Variants in PPP2R2B observed in about 807,000 individuals in gnomAD.
PPP2R2B encodes the protein protein phosphatase 2 regulatory subunit Bbeta.
PPP2R2B carries 5 observed loss-of-function variants against 46.0 expected under a neutral mutation model. The observed-to-expected ratio is 0.11, with a 90% CI of 0.06 to 0.23. The LOEUF (loss-of-function observed/expected upper bound fraction) is 0.23, where lower values mean the gene tolerates loss of function less well. Ranked by LOEUF, PPP2R2B falls within the 10% of genes least tolerant of loss-of-function variation. The pLI is 1.00. For synonymous variants in PPP2R2B, 215 were observed against 206.7 expected (o/e 1.04, Z -0.34); for missense variants, 367 against 575.0 (o/e 0.64, Z 3.70).
At chr5:146,900,592 T>C (rs561708504) in intron 1 of PPP2R2B, among the ~76,000 whole-genome samples, 17 of 149,644 alleles carry the variant, frequency 1.1e-4, no homozygotes, top group African/African-American at 3.7e-4. Flanking sequence ...CCTTCCTTCC[T>C]TCTTTCCTTC....
chr5:146,915,148 G>A (rs1164354168), intron 1 of PPP2R2B, among the ~76,000 whole-genome samples: 1 of 151,946 alleles, frequency 6.6e-6, no homozygotes, highest in East Asian at 1.9e-4. Context: ...TTTCATCTGG[G>A]CTTGGTAACA....
intron 2 of PPP2R2B, among the ~76,000 whole-genome samples, chr5:146,870,903 C>A (rs946265176): frequency 2.6e-4 from 40 of 152,208 alleles, no homozygotes; most frequent in African/African-American, 9.4e-4. Context: ...CCCAGGATGA[C>A]CCTTTCTCCA....
chr5:146,587,081 C>T lies in PPP2R2B; in HGVS notation c.*2866G>A, dbSNP rs1398159578. ...CTTGTGGGGTAAAGTAGTATAGGGC[C>T]CTTAGAATCGAACCAACTGTTGCAA... On this transcript the variant is annotated 3_prime_UTR_variant, in exon 10 of 10. Coordinates refer to ENST00000394411, the MANE Select transcript of PPP2R2B (RefSeq NM_181675.4). The T allele has an allele frequency of 6.6e-6, 1 of 152,070 alleles. No individual in the cohort carries two copies. Among genetic ancestry groups the T allele is most frequent in the African/African-American group, 2.4e-5 (1 of 41,396 alleles). The allele number at this position is 152,070 out of a possible 1,614,324, so 9.4% of individuals were successfully genotyped here. A position where few individuals can be genotyped will look rare whatever the true frequency, so the allele number is the denominator to read the frequency against.
chr5:147,008,178 G>A (rs1754538319), intron 1 of PPP2R2B, among the ~76,000 whole-genome samples: 1 of 152,230 alleles, frequency 6.6e-6, no homozygotes. Flanking sequence ...ATTGGATCTT[G>A]AGAGGGAAGC....
chr5:146,810,585 G>A (rs924970314), intron 2 of PPP2R2B, among the ~76,000 whole-genome samples: 1 of 152,100 alleles, frequency 6.6e-6, no homozygotes, highest in Non-Finnish European at 1.5e-5. Context: ...CTGGTGAATC[G>A]TCCAGCCAGG....
intron 2 of PPP2R2B, among the ~76,000 whole-genome samples, chr5:147,073,517 A>T (rs1757665773): frequency 6.6e-6 from 1 of 152,206 alleles, no homozygotes. Context: ...TGCAGAGAAG[A>T]GATCTCCACT....
chr5:146,644,405 A>T (rs1455744390), intron 6 of PPP2R2B, among the ~76,000 whole-genome samples: 1 of 152,192 alleles, frequency 6.6e-6, no homozygotes, highest in Non-Finnish European at 1.5e-5. Context: ...TCCAATGTAT[A>T]GACAGCAAAA....
chr5:146,878,242 C>T lies in PPP2R2B; in HGVS notation c.-124-47G>A, dbSNP rs768328193. 3 of 1,518,052 alleles carry T rather than the reference C, an allele frequency of 2.0e-6. No individual in the cohort carries two copies. In the South Asian group the frequency reaches 3.8e-5, roughly 19 times the overall value. The allele number at this position is 1,518,052 out of a possible 1,614,324, so 94.0% of individuals were successfully genotyped here. On this transcript the variant is annotated intron_variant, in intron 1 of 9. Transcript: ENST00000394411. This position sits in a 1 kb window ranked among gnomAD's most constrained non-coding sequence, Gnocchi z 4.5. Reference sequence around the variant, plus strand: ...GGAGAGAAAAAAAATAAAAACCCGGCAATGGAGCTGTCACCTCCTCCACTC... The same window carrying T: ...GGAGAGAAAAAAAATAAAAACCCGGTAATGGAGCTGTCACCTCCTCCACTC...
chr5:146,936,123 A>G (rs1451388066), intron 1 of PPP2R2B, among the ~76,000 whole-genome samples: 3 of 152,198 alleles, frequency 2.0e-5, no homozygotes, highest in African/African-American at 4.8e-5. Flanking sequence ...CTCTGCTGCC[A>G]TCAGTTTAGG....
intron 2 of PPP2R2B, among the ~76,000 whole-genome samples, chr5:146,846,659 CAG>C (rs778160788): frequency 2.0e-5 from 3 of 151,152 alleles, no homozygotes; most frequent in African/African-American, 7.3e-5. Context: ...GCCTGGGCAA[CAG>C]AGAGAGACTC....
intron 2 of PPP2R2B, among the ~76,000 whole-genome samples, chr5:147,062,741 G>A (rs1057045978): frequency 6.6e-6 from 1 of 151,832 alleles, no homozygotes; most frequent in Non-Finnish European, 1.5e-5. Context: ...TGGAACTTGT[G>A]GGTATTTGAT....
At chr5:146,913,372 G>T (rs1763261189) in intron 1 of PPP2R2B, among the ~76,000 whole-genome samples, 1 of 152,168 alleles carries the variant, frequency 6.6e-6, no homozygotes, top group Non-Finnish European at 1.5e-5. Flanking sequence ...TCCCATTACA[G>T]TGTCTGGCCA....
chr5:146,678,126 TG>T (rs1169312364), intron 5 of PPP2R2B, among the ~76,000 whole-genome samples: 43 of 152,198 alleles, frequency 2.8e-4, no homozygotes, highest in African/African-American at 9.6e-4. Context: ...AAGAGAACAT[TG>T]ATGCAAAAAT....
At chr5:146,791,880 G>T (rs1756223336) in intron 2 of PPP2R2B, among the ~76,000 whole-genome samples, 1 of 152,140 alleles carries the variant, frequency 6.6e-6, no homozygotes, top group Non-Finnish European at 1.5e-5. Context: ...AGTAAAATTT[G>T]AGAGGTGCTG....
chr5:146,770,381 A>T (rs1415520736), intron 2 of PPP2R2B, among the ~76,000 whole-genome samples: 1 of 151,078 alleles, frequency 6.6e-6, no homozygotes. Context: ...AAATTATCCT[A>T]GACATAGGCC....
intron 1 of PPP2R2B, among the ~76,000 whole-genome samples, chr5:146,979,168 T>C (rs1753048878): frequency 6.6e-6 from 1 of 152,220 alleles, no homozygotes; most frequent in African/African-American, 2.4e-5. Context: ...TGCTGTTTCC[T>C]TGGCCTGAAA....
At chr5:146,808,994 T>C (rs319145) in intron 2 of PPP2R2B, among the ~76,000 whole-genome samples, 8,406 of 134,448 alleles carry the variant, frequency 0.063, 282 homozygotes, top group Non-Finnish European at 0.074. Flanking sequence ...TGTGTGTGTG[T>C]GCGCGCGCAC....
intron 1 of PPP2R2B, among the ~76,000 whole-genome samples, chr5:147,021,344 G>A (rs1169537315): frequency 6.6e-6 from 1 of 152,170 alleles, no homozygotes; most frequent in Non-Finnish European, 1.5e-5. Flanking sequence ...GTTTCATGCA[G>A]CCATAATTTG....
At chr5:147,026,357 A>C (rs1755527166) in intron 1 of PPP2R2B, among the ~76,000 whole-genome samples, 1 of 152,188 alleles carries the variant, frequency 6.6e-6, no homozygotes, top group African/African-American at 2.4e-5. Context: ...GAGTTAAAGA[A>C]GCCAGGAAAA....
Sources: gnomAD v4.1 joint callset for allele counts (sites outside exome capture counted in the v4.1 genomes callset) on GRCh38, gnomAD v4.1.1 for gene constraint, Gnocchi (gnomAD v3.1) non-coding constraint, MANE v1.5 for transcripts, NCBI Gene and HGNC (gene_info 2026-07-23, HGNC 2026-07-21) for gene names.